Variants in SLA2 observed in about 807,000 individuals in gnomAD.
SLA2 encodes the protein Src like adaptor 2.
In SLA2, 22 loss-of-function variants were observed where a neutral mutation model predicts 27.3. That is an observed-to-expected ratio of 0.81 (90% CI 0.58 to 1.15). SLA2 has a LOEUF of 1.15. SLA2 is among the 50% of genes most tolerant of loss of function. SLA2 has a pLI of 0.00. For missense variants in SLA2, 304 were observed against 322.2 expected, an observed-to-expected ratio of 0.94 and a Z score of 0.43; for synonymous variants, 131 against 137.8, an observed-to-expected ratio of 0.95 and a Z score of 0.34.
At chr20:36,637,625 T>A (rs796083346) in intron 2 of SLA2, among the ~76,000 whole-genome samples, 2 of 29,428 alleles carry the variant, frequency 6.8e-5, no homozygotes, top group Non-Finnish European at 3.4e-4. Flanking sequence ...TGAAGTTTGC[T>A]TTTTTTTTTT....
chr20:36,619,313 G>A (rs1178801403), intron 5 of SLA2, among the ~76,000 whole-genome samples: 1 of 151,404 alleles, frequency 6.6e-6, no homozygotes, highest in Non-Finnish European at 1.5e-5. Context: ...ATCACCTGAG[G>A]TAAGGAGTTC....
intron 1 of SLA2, among the ~76,000 whole-genome samples, chr20:36,642,785 A>G (rs2039519937): frequency 6.6e-6 from 1 of 152,100 alleles, no homozygotes; most frequent in South Asian, 2.1e-4. Context: ...GGGTCTCCCC[A>G]TATTGGTCAG....
intron 5 of SLA2, chr20:36,620,912 G>A: frequency 3.3e-6 from 1 of 299,216 alleles, no homozygotes; most frequent in Non-Finnish European, 6.7e-6. Flanking sequence ...AGTGAAAAAG[G>A]CCCTTACTAA....
chr20:36,628,235 C>T (rs188459278), intron 5 of SLA2, among the ~76,000 whole-genome samples: 16 of 152,252 alleles, frequency 1.1e-4, no homozygotes, highest in South Asian at 4.1e-4. Flanking sequence ...TGTTCTATGA[C>T]GTCACTTGGG....
intron 5 of SLA2, 103 bp downstream of exon 5, chr20:36,632,492 G>T (rs2039402174): frequency 6.8e-6 from 6 of 883,796 alleles, no homozygotes; most frequent in Non-Finnish European, 1.1e-5. Context: ...TGAGAAGTCA[G>T]GCAAAGCCTA....
intron 5 of SLA2, among the ~76,000 whole-genome samples, chr20:36,618,874 T>C (rs563240280): frequency 3.7e-4 from 42 of 112,452 alleles, no homozygotes; most frequent in African/African-American, 1.3e-3. Context: ...ACCATTTCAC[T>C]ACAGCCTAGG....
At chr20:36,621,834 G>A (rs1273425043) in intron 5 of SLA2, among the ~76,000 whole-genome samples, 1 of 151,892 alleles carries the variant, frequency 6.6e-6, no homozygotes, top group Non-Finnish European at 1.5e-5. Context: ...TGGATAACAT[G>A]GTGAGAGTCT....
intron 5 of SLA2, among the ~76,000 whole-genome samples, chr20:36,618,444 G>A (rs544189683): frequency 3.6e-4 from 54 of 151,846 alleles, no homozygotes; most frequent in Admixed American, 8.5e-4. Flanking sequence ...CACTATGTTG[G>A]CCAGGTTGGT....
Position 36,619,250 on chromosome 20 carries a change from G to A in SLA2, c.383-3876C>T, listed in dbSNP as rs551448138. 1.8e-3 allele frequency among the ~76,000 whole-genome samples: 275 copies of A among 148,918 alleles called. 1 individual carries two copies. In the Middle Eastern group the frequency reaches 0.021, roughly 11 times the overall value. On this transcript the variant is annotated intron_variant, in intron 5 of 7. Coordinates refer to ENST00000262866, the MANE Select transcript of SLA2 (RefSeq NM_032214.4). The stretch of plus-strand genomic sequence containing the variant: ...AAAAAAAAAAAAAAAAAAAGGCTGG[G>A]TGCGGTGGCTCACACCTGTAATCCT...
intron 5 of SLA2, 43 bp from the exon 6 acceptor site, chr20:36,615,417 G>A: frequency 1.9e-6 from 3 of 1,610,116 alleles, no homozygotes; most frequent in Non-Finnish European, 2.5e-6. Context: ...GGCCCTGCTG[G>A]GACTCGGCCC....
chr20:36,624,089 C>T (rs1287110170), intron 5 of SLA2, among the ~76,000 whole-genome samples: 1 of 152,146 alleles, frequency 6.6e-6, no homozygotes, highest in African/African-American at 2.4e-5. Context: ...CTCAGCCTCA[C>T]ATCCAGCCCA....
intron 2 of SLA2, among the ~76,000 whole-genome samples, chr20:36,636,619 AAAAAATATATAT>A (rs1438608126): frequency 4.7e-5 from 6 of 126,920 alleles, no homozygotes; most frequent in African/African-American, 2.1e-4. Flanking sequence ...AAGAAAAAAA[AAAAAATATATAT>A]ATATATATAT....
intron 5 of SLA2, among the ~76,000 whole-genome samples, chr20:36,620,048 G>A (rs929454830): frequency 1.3e-5 from 2 of 151,404 alleles, no homozygotes; most frequent in African/African-American, 4.9e-5. Flanking sequence ...CAATTATTAT[G>A]CCACTGCACT....
chr20:36,631,048 G>A (rs1045602331), intron 5 of SLA2, among the ~76,000 whole-genome samples: 1 of 152,128 alleles, frequency 6.6e-6, no homozygotes, highest in Non-Finnish European at 1.5e-5. Context: ...GGGGAAGGAG[G>A]AATCACCTCC....
rs372541692 is a variant in SLA2, at chr20:36,614,363, C to T, written c.607G>A (p.Asp203Asn). The T allele has an allele frequency of 6.2e-7, 1 of 1,614,186 alleles. No homozygotes were observed. The highest frequency in any genetic ancestry group is 8.5e-7 in the Non-Finnish European group (1 of 1,180,034). The change falls in exon 7 of 8, where the codon GAT (aspartate) becomes AAT (asparagine). Residue 203 changes from aspartate to asparagine, a missense_variant. By Grantham distance (23) the Asp-to-Asn change is conservative. Transcript: ENST00000262866. The part of the protein sequence containing the change: ...LQRAGPLPGK[D>N]IPLPVTVQRT... ...TGCACAGTCACAGGTAGGGGTATAT[C>T]CTTGCCAGGGAGCGGGCCAGCCCTC...
intron 1 of SLA2, among the ~76,000 whole-genome samples, chr20:36,641,861 G>C (rs1737393): frequency 3.3e-5 from 5 of 151,816 alleles, no homozygotes; most frequent in Admixed American, 1.3e-4. Context: ...GCTTGGATCA[G>C]AGGTCTGCAA....
chr20:36,626,538 T>C (rs1600823593), intron 5 of SLA2, among the ~76,000 whole-genome samples: 1 of 146,582 alleles, frequency 6.8e-6, no homozygotes, highest in East Asian at 2.1e-4. Flanking sequence ...CACTCCAGCT[T>C]GGGTGACCCT....
At chr20:36,635,311 A>G (rs1198166479) in intron 2 of SLA2, among the ~76,000 whole-genome samples, 1 of 150,842 alleles carries the variant, frequency 6.6e-6, no homozygotes, top group Non-Finnish European at 1.5e-5. Flanking sequence ...CTTAGCACAT[A>G]AACACATTAA....
At chr20:36,624,680 C>T (rs1385544751) in intron 5 of SLA2, among the ~76,000 whole-genome samples, 1 of 152,242 alleles carries the variant, frequency 6.6e-6, no homozygotes, top group Non-Finnish European at 1.5e-5. Context: ...CTCCTACTGT[C>T]TGTGAGCACA....
Sources: allele counts gnomAD v4.1 joint callset (sites outside exome capture counted in the v4.1 genomes callset), GRCh38; gene constraint gnomAD v4.1.1; transcripts MANE v1.5; gene names NCBI Gene and HGNC (gene_info 2026-07-23, HGNC 2026-07-21).